The following FAAH2 variants were observed in gnomAD, a reference collection of about 807,000 sequenced individuals.
The protein encoded by FAAH2 is fatty-acid amide hydrolase 2.
In FAAH2, 60 loss-of-function variants were observed where a neutral mutation model predicts 36.9. The observed-to-expected ratio is 1.63, with a 90% CI of 1.32 to 2.02. The LOEUF (loss-of-function observed/expected upper bound fraction) is 2.02. Among genes scored for constraint, FAAH2 ranks in the 30% most tolerant of loss-of-function variants. FAAH2 has a pLI of 0.00. For missense variants in FAAH2, 689 were observed against 397.5 expected (o/e 1.73, Z -6.23); for synonymous variants, 214 against 143.8 (o/e 1.49, Z -3.49).
At chrX:57,261,155 TAATC>T in the FAAH2 span, among the ~76,000 whole-genome samples, 1 of 111,536 alleles carries the variant, frequency 9.0e-6, no homozygotes, top group Non-Finnish European at 1.9e-5. Context: ...AACAGAGAAA[TAATC>T]AATAAATTTT....
chrX:57,375,912 G>T (rs2054663537), intron 5 of FAAH2, among the ~76,000 whole-genome samples: 1 of 111,374 alleles, frequency 9.0e-6, no homozygotes, highest in Non-Finnish European at 1.9e-5. Flanking sequence ...TTTGTGTATT[G>T]TATGAATTAA....
intron 3 of FAAH2, among the ~76,000 whole-genome samples, chrX:57,326,387 A>T (rs1377965787): frequency 8.7e-6 from 1 of 114,387 alleles, no homozygotes; most frequent in African/African-American, 3.2e-5. Flanking sequence ...CAATTCCTGG[A>T]TATCCTTGTT....
At chrX:57,272,281 T>G in the FAAH2 span, among the ~76,000 whole-genome samples, 1 of 110,508 alleles carries the variant, frequency 9.0e-6, no homozygotes, top group Non-Finnish European at 1.9e-5. Context: ...TGTGTTTGAT[T>G]GGTGTATCTG....
rs768380881 is a variant in FAAH2, at chrX:57,381,007, A to G, written c.974A>G (p.Asp325Gly). The change falls in exon 7 of 11, where the codon GAT becomes GGT. Residue 325 changes from aspartate to glycine, a missense_variant. By Grantham distance (94) the Asp-to-Gly change is moderately conservative. Transcript: ENST00000374900. ...GSFLMSKVDQ[D>G]LIMTQKKVVV... ...TTTTTAATGTCCAAAGTGGACCAAG[A>G]TCTCATTATGACTCAGAAAAAGGTA... The G allele has an allele frequency of 2.7e-5, 32 of 1,181,401 alleles. No homozygotes were observed. The highest frequency in any genetic ancestry group is 3.9e-5 in the South Asian group (2 of 51,893).
the FAAH2 span, among the ~76,000 whole-genome samples, chrX:57,203,423 G>A: frequency 2.9e-4 from 32 of 111,944 alleles, no homozygotes; most frequent in East Asian, 5.9e-3. Context: ...AACCTTCAGC[G>A]TGGGTGTCAT....
At chrX:57,165,265 C>T in the FAAH2 span, among the ~76,000 whole-genome samples, 68 of 111,988 alleles carry the variant, frequency 6.1e-4, no homozygotes, top group African/African-American at 2.0e-3. Context: ...GCATTATTCA[C>T]GATAGCAAAG....
At chrX:57,337,286 C>CCCAGGA (rs1461776018) in intron 4 of FAAH2, among the ~76,000 whole-genome samples, 8 of 74,327 alleles carry the variant, frequency 1.1e-4, no homozygotes, top group African/African-American at 5.0e-4. Context: ...AAAAAAAAAG[C>CCCAGGA]CCAGGACCAG....
At chrX:57,451,217 G>A (rs946108673) in intron 10 of FAAH2, among the ~76,000 whole-genome samples, 1 of 111,589 alleles carries the variant, frequency 9.0e-6, no homozygotes, top group Non-Finnish European at 1.9e-5. Flanking sequence ...TCTCAGCTAT[G>A]AAGTGAAGTG....
At chrX:57,244,112 A>G in the FAAH2 span, among the ~76,000 whole-genome samples, 1 of 107,938 alleles carries the variant, frequency 9.3e-6, no homozygotes. Context: ...GCAAGTATCA[A>G]TAGCTGAATC....
the FAAH2 span, among the ~76,000 whole-genome samples, chrX:57,244,531 A>G: frequency 1.8e-5 from 2 of 112,072 alleles, no homozygotes; most frequent in East Asian, 5.6e-4. Flanking sequence ...ATCCCATCAG[A>G]CTAACAGCAG....
At chrX:57,296,007 G>C (rs1307939909) in intron 2 of FAAH2, among the ~76,000 whole-genome samples, 1 of 112,532 alleles carries the variant, frequency 8.9e-6, no homozygotes, top group Non-Finnish European at 1.9e-5. Context: ...GCCTGCCTCT[G>C]TGGGCTCCAC....
At chrX:57,361,873 A>G (rs1230899106) in intron 5 of FAAH2, among the ~76,000 whole-genome samples, 1 of 111,289 alleles carries the variant, frequency 9.0e-6, no homozygotes, top group Non-Finnish European at 1.9e-5. Context: ...TGGAAAACTC[A>G]TTATATTTTT....
At chrX:57,328,376 A>C (rs948617881) in intron 3 of FAAH2, among the ~76,000 whole-genome samples, 12 of 111,047 alleles carry the variant, frequency 1.1e-4, no homozygotes, top group African/African-American at 3.6e-4. Context: ...TTTTCATGAA[A>C]TTTTTATAGT....
At chrX:57,225,066 A>G in the FAAH2 span, among the ~76,000 whole-genome samples, 1 of 111,036 alleles carries the variant, frequency 9.0e-6, no homozygotes, top group African/African-American at 3.3e-5. Flanking sequence ...TGGTCTCTCA[A>G]TTTTATTTAT....
intron 7 of FAAH2, among the ~76,000 whole-genome samples, chrX:57,408,318 A>C (rs1602562912): frequency 9.0e-6 from 1 of 110,689 alleles, no homozygotes; most frequent in South Asian, 3.8e-4. Flanking sequence ...TTTTCTGCCT[A>C]TTTTAATTTT....
At chrX:57,191,605 T>C in the FAAH2 span, among the ~76,000 whole-genome samples, 1 of 111,957 alleles carries the variant, frequency 8.9e-6, no homozygotes, top group Admixed American at 9.5e-5. Context: ...TTTCTTCTAG[T>C]AGTTTTATAG....
chrX:57,324,561 T>A (rs1362330416), intron 3 of FAAH2, among the ~76,000 whole-genome samples: 4 of 111,940 alleles, frequency 3.6e-5, no homozygotes, highest in Non-Finnish European at 7.5e-5. Context: ...TTCACATTCC[T>A]TGTAAGTTGG....
the FAAH2 span, among the ~76,000 whole-genome samples, chrX:57,199,906 C>T: frequency 1.8e-5 from 2 of 111,267 alleles, no homozygotes; most frequent in African/African-American, 3.3e-5. Context: ...AATGTATGTA[C>T]TTCCTCTCTT....
chrX:57,468,382 C>A (rs2057091674), intron 10 of FAAH2, among the ~76,000 whole-genome samples: 1 of 111,312 alleles, frequency 9.0e-6, no homozygotes, highest in African/African-American at 3.3e-5. Flanking sequence ...CTAGAATAAC[C>A]AGTGTAGAGA....
Sources: gnomAD v4.1 joint callset for allele counts (sites outside exome capture counted in the v4.1 genomes callset) on GRCh38, gnomAD v4.1.1 for gene constraint, MANE v1.5 for transcripts, NCBI Gene and HGNC (gene_info 2026-07-23, HGNC 2026-07-21) for gene names.